The following PRUNE2 variants were observed in gnomAD, a reference collection of about 807,000 sequenced individuals.
PRUNE2 encodes protein prune homolog 2.
PRUNE2 carries 164 observed loss-of-function variants against 252.0 expected under a neutral mutation model. The ratio of observed to expected loss-of-function variants is 0.65; its 90% confidence interval spans 0.57 to 0.74. The LOEUF (loss-of-function observed/expected upper bound fraction) is 0.74. Ranked by LOEUF, PRUNE2 falls within the 30% of genes least tolerant of loss-of-function variation. The pLI is 0.00. For missense variants in PRUNE2, 3,495 were observed against 3,711.0 expected (o/e 0.94, Z 1.51); for synonymous variants, 1,292 against 1,350.2 (o/e 0.96, Z 0.94).
At chr9:76,767,156 A>C (rs1318446961) in intron 6 of PRUNE2, among the ~76,000 whole-genome samples, 1 of 152,206 alleles carries the variant, frequency 6.6e-6, no homozygotes, top group African/African-American at 2.4e-5. Context: ...GGACCTATTC[A>C]AAACAGAATC....
chr9:76,672,140 G>A (rs1490721859), intron 9 of PRUNE2, among the ~76,000 whole-genome samples: 1 of 151,662 alleles, frequency 6.6e-6, no homozygotes, highest in Non-Finnish European at 1.5e-5. Flanking sequence ...CCATCAGTGT[G>A]CTGTATTCAG....
intron 1 of PRUNE2, among the ~76,000 whole-genome samples, chr9:76,880,763 T>C (rs2061727303): frequency 6.6e-6 from 1 of 152,236 alleles, no homozygotes; most frequent in Non-Finnish European, 1.5e-5. Context: ...CTGAACTAGC[T>C]GCTGCTCACT....
chr9:76,859,201 AG>A (rs1450909477), intron 1 of PRUNE2, among the ~76,000 whole-genome samples: 1 of 152,234 alleles, frequency 6.6e-6, no homozygotes, highest in Non-Finnish European at 1.5e-5. Context: ...AATGTAAAAA[AG>A]AAAGTATATT....
At chr9:76,794,335 G>A (rs914821714) in intron 6 of PRUNE2, among the ~76,000 whole-genome samples, 2 of 152,170 alleles carry the variant, frequency 1.3e-5, no homozygotes, top group South Asian at 2.1e-4. Context: ...CGCGGCCTCC[G>A]AGCGAGCGCG....
At chr9:76,835,738 A>AAG (rs148036112) in intron 4 of PRUNE2, among the ~76,000 whole-genome samples, 5 of 151,314 alleles carry the variant, frequency 3.3e-5, no homozygotes, top group Non-Finnish European at 4.4e-5. Context: ...CTCTTTGGGC[A>AAG]AGAGAGAGAG....
chr9:76,832,648 T>G (rs1364905362), intron 4 of PRUNE2, among the ~76,000 whole-genome samples: 1 of 151,358 alleles, frequency 6.6e-6, no homozygotes, highest in African/African-American at 2.4e-5. Flanking sequence ...ACACATTAAA[T>G]TCACCTAAAA....
At chr9:76,755,283 C>A (rs2130564719) in intron 6 of PRUNE2, among the ~76,000 whole-genome samples, 1 of 152,224 alleles carries the variant, frequency 6.6e-6, no homozygotes, top group South Asian at 2.1e-4. Context: ...AGCACTGGCT[C>A]ATTCACGGTA....
At chr9:76,698,694 C>T (rs1002514262) in intron 9 of PRUNE2, among the ~76,000 whole-genome samples, 1 of 152,170 alleles carries the variant, frequency 6.6e-6, no homozygotes, top group African/African-American at 2.4e-5. Flanking sequence ...ATGTACTAAA[C>T]TCCCCAACCA....
intron 1 of PRUNE2, among the ~76,000 whole-genome samples, chr9:76,890,297 C>A (rs1220197526): frequency 1.3e-5 from 2 of 152,132 alleles, no homozygotes; most frequent in African/African-American, 2.4e-5. Context: ...TGACCAAGAG[C>A]AGGCTATGCT....
At chr9:76,661,577 T>A (rs1851449177) in intron 9 of PRUNE2, among the ~76,000 whole-genome samples, 1 of 152,190 alleles carries the variant, frequency 6.6e-6, no homozygotes, top group South Asian at 2.1e-4. Flanking sequence ...AAAACAGACT[T>A]CAGAAAAGGC....
At chr9:76,650,879 T>C (rs1847112730) in intron 11 of PRUNE2, among the ~76,000 whole-genome samples, 1 of 152,166 alleles carries the variant, frequency 6.6e-6, no homozygotes. Context: ...AAAGCTCTCC[T>C]GACAAAAAGG....
In PRUNE2 at chr9:76,704,900, C is replaced by A; in HGVS notation, c.7374G>T (p.Leu2458=). ...NRLPGSQLAV[L]HIREDPESVY... ...CGGACTCAGGGTCTTCACGAATATG[C>A]AGCACAGCCAGCTGGGATCCAGGCA... The change falls in exon 8 of 19, where the codon CTG becomes CTT. Residue 2458 remains leucine, a synonymous_variant. Coordinates refer to ENST00000376718, the MANE Select transcript of PRUNE2 (RefSeq NM_015225.3). 1.9e-6 allele frequency: 3 copies of A among 1,610,086 alleles called. No individual in the cohort carries two copies. Among genetic ancestry groups the A allele is most frequent in the Non-Finnish European group, 2.5e-6 (3 of 1,177,940 alleles).
intron 4 of PRUNE2, among the ~76,000 whole-genome samples, chr9:76,832,069 A>G (rs2058701980): frequency 1.3e-5 from 2 of 152,306 alleles, no homozygotes; most frequent in South Asian, 2.1e-4. Flanking sequence ...AGATACATCA[A>G]TTCTAAATTT....
At chr9:76,891,805 A>G (rs928512826) in intron 1 of PRUNE2, among the ~76,000 whole-genome samples, 8 of 152,308 alleles carry the variant, frequency 5.3e-5, no homozygotes, top group African/African-American at 1.9e-4. Context: ...CACCTCTGCC[A>G]CTTACTGGCT....
intron 18 of PRUNE2, among the ~76,000 whole-genome samples, chr9:76,617,967 G>A (rs1412245648): frequency 6.6e-6 from 1 of 152,172 alleles, no homozygotes; most frequent in African/African-American, 2.4e-5. Context: ...GTGCACTGGG[G>A]AATTGAGGTA....
chr9:76,724,303 C>CA (rs796291956), intron 6 of PRUNE2, among the ~76,000 whole-genome samples: 1,013 of 69,368 alleles, frequency 0.015, 12 homozygotes, highest in Middle Eastern at 0.043. Flanking sequence ...GATAGAAATA[C>CA]AAAAAAAAAA....
chr9:76,891,317 T>C (rs1342233782), intron 1 of PRUNE2, among the ~76,000 whole-genome samples: 1 of 152,152 alleles, frequency 6.6e-6, no homozygotes, highest in Non-Finnish European at 1.5e-5. Flanking sequence ...CTTTCCCACA[T>C]TACAGAGAAC....
chr9:76,905,263 T>C (rs2063416921), intron 1 of PRUNE2, among the ~76,000 whole-genome samples: 1 of 152,236 alleles, frequency 6.6e-6, no homozygotes, highest in African/African-American at 2.4e-5. Context: ...GACAGTGATA[T>C]GGTAAACATG....
intron 6 of PRUNE2, among the ~76,000 whole-genome samples, chr9:76,720,888 C>T (rs117914559): frequency 2.0e-5 from 3 of 152,104 alleles, no homozygotes; most frequent in Non-Finnish European, 4.4e-5. Flanking sequence ...CTGAGGCGGG[C>T]GGATCACAAG....
Sources: gnomAD v4.1 joint callset for allele counts (sites outside exome capture counted in the v4.1 genomes callset) on GRCh38, gnomAD v4.1.1 for gene constraint, MANE v1.5 for transcripts, NCBI Gene and HGNC (gene_info 2026-07-23, HGNC 2026-07-21) for gene names.